EYA2: variants seen among roughly 807,000 people sequenced by gnomAD.
The protein encoded by EYA2 is EYA transcriptional coactivator and phosphatase 2.
A neutral mutation model predicts 69.2 loss-of-function variants in EYA2; 31 were observed. The observed-to-expected ratio is 0.45, with a 90% CI of 0.34 to 0.60. The LOEUF is 0.60. Among genes scored for constraint, EYA2 ranks in the 20% least tolerant of loss-of-function variants. The pLI, the probability that EYA2 is intolerant of heterozygous loss-of-function variation, is 0.02. For missense variants in EYA2, 622 were observed against 701.2 expected, an observed-to-expected ratio of 0.89 and a Z score of 1.28; for synonymous variants, 257 against 279.4, an observed-to-expected ratio of 0.92 and a Z score of 0.80.
intron 11 of EYA2, among the ~76,000 whole-genome samples, chr20:47,170,056 C>T (rs760866402): frequency 5.3e-5 from 8 of 151,916 alleles, no homozygotes; most frequent in Non-Finnish European, 1.0e-4. Context: ...CAGTCATGCA[C>T]CACCACACCC....
At chr20:46,987,807 A>G (rs1981328076) in intron 1 of EYA2, among the ~76,000 whole-genome samples, 1 of 150,924 alleles carries the variant, frequency 6.6e-6, no homozygotes, top group Non-Finnish European at 1.5e-5. Context: ...TGCACCTGTA[A>G]TCTCAGCTAC....
At chr20:47,054,501 G>A (rs1052980658) in intron 5 of EYA2, among the ~76,000 whole-genome samples, 3 of 152,202 alleles carry the variant, frequency 2.0e-5, no homozygotes, top group African/African-American at 7.2e-5. Context: ...TTCTGAGCAT[G>A]TGTGGGGGGC....
intron 1 of EYA2, among the ~76,000 whole-genome samples, chr20:46,918,343 C>G (rs1215105615): frequency 6.6e-6 from 1 of 151,262 alleles, no homozygotes; most frequent in Non-Finnish European, 1.5e-5. Flanking sequence ...AAATCTCACT[C>G]TGTAGCCCAA....
chr20:47,059,366 G>T (rs2030775270), intron 5 of EYA2, among the ~76,000 whole-genome samples: 1 of 152,118 alleles, frequency 6.6e-6, no homozygotes, highest in Non-Finnish European at 1.5e-5. Context: ...TTGTTTGTTT[G>T]TGTGTTGACA....
At chr20:46,982,726 C>T (rs73118035) in intron 1 of EYA2, among the ~76,000 whole-genome samples, 3,965 of 150,662 alleles carry the variant, frequency 0.026, 70 homozygotes, top group Non-Finnish European at 0.039. Flanking sequence ...TTCAACTGAT[C>T]TATTGAGTTC....
chr20:47,092,236 C>T (rs185022546), intron 8 of EYA2, among the ~76,000 whole-genome samples: 102 of 152,264 alleles, frequency 6.7e-4, no homozygotes, highest in Middle Eastern at 3.4e-3. Context: ...GTCAGCCTCC[C>T]GAGATCTACC....
chr20:46,924,669 CAAAAAAAAAAAA>C (rs10568771), intron 1 of EYA2, among the ~76,000 whole-genome samples: 7 of 88,358 alleles, frequency 7.9e-5, no homozygotes, highest in Non-Finnish European at 1.1e-4. Flanking sequence ...GACTCCATCT[CAAAAAAAAAAAA>C]AAAAAAAAAA....
chr20:47,088,020 A>G (rs1407877370), intron 7 of EYA2, among the ~76,000 whole-genome samples: 1 of 152,146 alleles, frequency 6.6e-6, no homozygotes, highest in Non-Finnish European at 1.5e-5. Context: ...TGAGGTCAGG[A>G]GTTCGAGACC....
At chr20:47,113,820 C>T (rs1026365019) in intron 9 of EYA2, among the ~76,000 whole-genome samples, 12 of 151,752 alleles carry the variant, frequency 7.9e-5, no homozygotes, top group Admixed American at 2.0e-4. Flanking sequence ...ATCACTGCCT[C>T]AGACACAGCT....
chr20:47,062,312 T>C (rs1383651328), intron 5 of EYA2, among the ~76,000 whole-genome samples: 1 of 152,228 alleles, frequency 6.6e-6, no homozygotes, highest in African/African-American at 2.4e-5. Flanking sequence ...GATTTTTAAA[T>C]GGTCTAATCC....
intron 1 of EYA2, among the ~76,000 whole-genome samples, chr20:46,925,218 C>A (rs764359437): frequency 1.3e-5 from 2 of 152,204 alleles, no homozygotes; most frequent in African/African-American, 2.4e-5. Flanking sequence ...GACCCTATTT[C>A]CAAATAAGGC....
intron 5 of EYA2, among the ~76,000 whole-genome samples, chr20:47,055,304 G>A (rs1013668816): frequency 1.3e-5 from 2 of 152,190 alleles, no homozygotes; most frequent in African/African-American, 4.8e-5. Context: ...TGGTCTTTAT[G>A]GGTTACCATT....
At chr20:47,094,152 G>A (rs1039406134) in intron 8 of EYA2, among the ~76,000 whole-genome samples, 1 of 152,200 alleles carries the variant, frequency 6.6e-6, no homozygotes, top group Non-Finnish European at 1.5e-5. Context: ...TAGGAGAAAG[G>A]GATGGATTTT....
At chr20:47,098,271 C>A (rs1188692265) in intron 9 of EYA2, among the ~76,000 whole-genome samples, 1 of 152,178 alleles carries the variant, frequency 6.6e-6, no homozygotes, top group Non-Finnish European at 1.5e-5. Context: ...ATGGCAGAGT[C>A]AAGAGCTGCT....
chr20:46,987,340 A>G (rs1981296721), intron 1 of EYA2, among the ~76,000 whole-genome samples: 1 of 152,174 alleles, frequency 6.6e-6, no homozygotes, highest in South Asian at 2.1e-4. Context: ...TTTTGCAACC[A>G]TTTAAAAATG....
chr20:46,916,616 G>A (rs1162319318), intron 1 of EYA2, among the ~76,000 whole-genome samples: 1 of 152,194 alleles, frequency 6.6e-6, no homozygotes, highest in African/African-American at 2.4e-5. Flanking sequence ...AAGCCAAGGT[G>A]CAAAGCCAAG....
At chr20:47,162,506 C>T (rs1417332682) in intron 10 of EYA2, among the ~76,000 whole-genome samples, 1 of 143,300 alleles carries the variant, frequency 7.0e-6, no homozygotes. Context: ...GCAGTACATA[C>T]ACACATTATC....
At chr20:47,094,874 AG>A (rs2032198960) in intron 8 of EYA2, among the ~76,000 whole-genome samples, 1 of 152,120 alleles carries the variant, frequency 6.6e-6, no homozygotes, top group African/African-American at 2.4e-5. Flanking sequence ...ACAAAAAGAA[AG>A]ATCAAAAATT....
At chr20:47,155,716 G>A (rs1252599089) in intron 10 of EYA2, among the ~76,000 whole-genome samples, 1 of 151,800 alleles carries the variant, frequency 6.6e-6, no homozygotes, top group Non-Finnish European at 1.5e-5. Context: ...GGAAACTGAG[G>A]CCCAGAAAGA....
Sources: allele counts gnomAD v4.1 joint callset (sites outside exome capture counted in the v4.1 genomes callset), GRCh38; gene constraint gnomAD v4.1.1; transcripts MANE v1.5; gene names NCBI Gene and HGNC (gene_info 2026-07-23, HGNC 2026-07-21).